ANO3: variants seen among roughly 807,000 people sequenced by gnomAD.
The protein encoded by ANO3 is anoctamin 3.
ANO3 carries 99 observed loss-of-function variants against 144.8 expected under a neutral mutation model. The ratio of observed to expected loss-of-function variants is 0.68; its 90% confidence interval spans 0.58 to 0.81. ANO3 has a LOEUF of 0.81. ANO3 is among the 30% of genes least tolerant of loss of function. The pLI, the probability that ANO3 is intolerant of heterozygous loss-of-function variation, is 0.00. For synonymous variants in ANO3, 414 were observed against 392.6 expected (o/e 1.05, Z -0.64); for missense variants, 905 against 1,202.2 (o/e 0.75, Z 3.66).
At chr11:26,307,012 CA>C (rs1393269980), upstream of ANO3, among the ~76,000 whole-genome samples, 11 of 151,692 alleles carry the variant, frequency 7.3e-5, no homozygotes, top group African/African-American at 2.4e-4. Context: ...TTTTTTTTTA[CA>C]ATCTTCTACA....
At chr11:26,244,391 T>C (rs191011941) in intron 1 of ANO3, among the ~76,000 whole-genome samples, 2 of 152,228 alleles carry the variant, frequency 1.3e-5, no homozygotes, top group Non-Finnish European at 2.9e-5. Context: ...TTCTGTTTAC[T>C]AGTTTCCTAG....
At position 26,647,742 on chromosome 11, in the gene ANO3, T is replaced by C; in HGVS notation, c.2462T>C (p.Ile821Thr). The C allele has an allele frequency of 1.2e-6, 2 of 1,612,616 alleles. No homozygotes were observed. Among genetic ancestry groups the C allele is most frequent in the Non-Finnish European group, 1.7e-6 (2 of 1,179,098 alleles). Residue 821 changes from isoleucine (I) to threonine (T), a missense_variant, in exon 24 of 27, where the codon ATA becomes ACA. By Grantham distance (89) the Ile-to-Thr change is moderately conservative. This residue lies in a region of ANO3 where 597 missense variants were observed against 865.1 expected (regional missense o/e 0.69). Transcript: ENST00000256737. ...CTTGGAATTCTCGAAGGAATCGGTA[T>C]ATTGGCTGTGATCACCAATGCATTT... ...IWLGILEGIG[I>T]LAVITNAFVI...
At chr11:26,635,215 ATCTTTTC>A in intron 20 of ANO3, 145 bp downstream of exon 20, 3 of 615,902 alleles carry the variant, frequency 4.9e-6, no homozygotes, top group African/African-American at 3.7e-5. Flanking sequence ...AAGCAACTAC[ATCTTTTC>A]AAAAAAGGGG....
At chr11:26,587,117 C>T (rs1368922906) in intron 14 of ANO3, among the ~76,000 whole-genome samples, 1 of 152,082 alleles carries the variant, frequency 6.6e-6, no homozygotes, top group African/African-American at 2.4e-5. Flanking sequence ...TGAATTGAGA[C>T]CCTAACAATT....
chr11:26,464,909 A>C (rs1859542260), intron 4 of ANO3, among the ~76,000 whole-genome samples: 1 of 151,820 alleles, frequency 6.6e-6, no homozygotes. Context: ...TTTGAGCAAT[A>C]ACCAGAATGT....
At chr11:26,463,196 T>A (rs752615524) in intron 4 of ANO3, 48 bp downstream of exon 4, 13 of 1,004,802 alleles carry the variant, frequency 1.3e-5, no homozygotes, top group African/African-American at 3.3e-5. Flanking sequence ...GCATCATTTT[T>A]AAAACCTTAC....
chr11:26,451,416 G>A, intron 3 of ANO3, among the ~76,000 whole-genome samples: 1 of 152,186 alleles, frequency 6.6e-6, no homozygotes, highest in East Asian at 1.9e-4. Context: ...TTAAAAAACG[G>A]CACACCAGGA....
intron 1 of ANO3, among the ~76,000 whole-genome samples, chr11:26,313,365 T>C (rs1416656268): frequency 3.9e-5 from 6 of 152,104 alleles, no homozygotes; most frequent in African/African-American, 1.4e-4. Flanking sequence ...ACGTAATTTC[T>C]TAGAGTCTCT....
At chr11:26,323,066 T>C (rs1854798964) in intron 1 of ANO3, among the ~76,000 whole-genome samples, 2 of 152,198 alleles carry the variant, frequency 1.3e-5, no homozygotes, top group Non-Finnish European at 2.9e-5. Flanking sequence ...CATTGGTTTC[T>C]GTGACCCCTT....
chr11:26,639,913 A>G (rs1853091464), intron 21 of ANO3, among the ~76,000 whole-genome samples: 1 of 152,234 alleles, frequency 6.6e-6, no homozygotes, highest in African/African-American at 2.4e-5. Context: ...AGTCTAATCA[A>G]CTAAAAACAT....
rs541105036 is a variant in ANO3, at chr11:26,472,557, C to A, written c.432+9409C>A. ...ACACTGCACGTAATGGAGGTGTGTGCAAGGGACTATAGAAACCATGAGACA... is the reference window on the plus strand; with the variant it reads ...ACACTGCACGTAATGGAGGTGTGTGAAAGGGACTATAGAAACCATGAGACA... On this transcript the variant is annotated intron_variant, in intron 4 of 26. Coordinates refer to ENST00000256737, the MANE Select transcript of ANO3 (RefSeq NM_031418.4). 6.6e-5 allele frequency among the ~76,000 whole-genome samples: 10 copies of A among 151,860 alleles called. No homozygotes were observed. The South Asian group carries it at 2.1e-3, about 32-fold the overall frequency.
chr11:26,244,245 C>A (rs1350863665), intron 1 of ANO3, among the ~76,000 whole-genome samples: 1 of 152,036 alleles, frequency 6.6e-6, no homozygotes, highest in Non-Finnish European at 1.5e-5. Context: ...AAGGTGCTTG[C>A]TAAAAATATA....
chr11:26,624,424 G>C (rs748435452), intron 17 of ANO3, 38 bp from the exon 18 acceptor site: 4 of 1,485,920 alleles, frequency 2.7e-6, no homozygotes, highest in Admixed American at 3.5e-5. Context: ...TTCCAAAAGA[G>C]AGGAATAATG....
At chr11:26,205,024 G>A (rs1019749782) in intron 1 of ANO3, among the ~76,000 whole-genome samples, 3 of 152,088 alleles carry the variant, frequency 2.0e-5, no homozygotes, top group African/African-American at 7.2e-5. Context: ...AACCAAACGA[G>A]TCCTTCCTCA....
At chr11:26,370,859 G>T (rs1284201703) in intron 1 of ANO3, among the ~76,000 whole-genome samples, 8 of 152,272 alleles carry the variant, frequency 5.3e-5, no homozygotes, top group Non-Finnish European at 1.0e-4. Context: ...GTCTGGAAGA[G>T]AAATTTCTAA....
At chr11:26,541,503 G>T (rs1488281910) in intron 10 of ANO3, among the ~76,000 whole-genome samples, 2 of 151,940 alleles carry the variant, frequency 1.3e-5, no homozygotes, top group South Asian at 2.1e-4. Context: ...TATATTTTTT[G>T]AATGAACACT....
At chr11:26,333,412 GC>G (rs1855110033) in intron 1 of ANO3, among the ~76,000 whole-genome samples, 1 of 151,732 alleles carries the variant, frequency 6.6e-6, no homozygotes, top group African/African-American at 2.4e-5. Flanking sequence ...CTCCTGAGTA[GC>G]TGGGACTACA....
chr11:26,493,905 G>A (rs569270562), intron 4 of ANO3, among the ~76,000 whole-genome samples: 1 of 152,064 alleles, frequency 6.6e-6, no homozygotes, highest in South Asian at 2.1e-4. Flanking sequence ...TTCAAGCCTG[G>A]AATTTGCCAA....
intron 14 of ANO3, among the ~76,000 whole-genome samples, chr11:26,586,173 G>A (rs1439198264): frequency 2.6e-5 from 4 of 152,104 alleles, no homozygotes; most frequent in East Asian, 3.9e-4. Flanking sequence ...TGATGATGGG[G>A]TATTGTTCCT....
Sources: gnomAD v4.1 joint callset for allele counts (sites outside exome capture counted in the v4.1 genomes callset) on GRCh38, gnomAD v4.1.1 for gene constraint, gnomAD v4.1.1 regional missense constraint, MANE v1.5 for transcripts, NCBI Gene and HGNC (gene_info 2026-07-23, HGNC 2026-07-21) for gene names.